The following EYS variants were observed in gnomAD, a reference collection of about 807,000 sequenced individuals.
The protein encoded by EYS is EGF-like photoreceptor maintenance factor.
In EYS, 250 loss-of-function variants were observed where a neutral mutation model predicts 282.1. The observed-to-expected ratio is 0.89, with a 90% CI of 0.80 to 0.98. The LOEUF (loss-of-function observed/expected upper bound fraction) is 0.98. Among genes scored for constraint, EYS ranks in the 50% least tolerant of loss-of-function variants. EYS has a pLI of 0.00. For missense variants in EYS, 4,016 were observed against 3,709.0 expected (o/e 1.08, Z -2.15); for synonymous variants, 1,355 against 1,282.9 (o/e 1.06, Z -1.20).
At chr6:65,531,519 C>A (rs986511589) in intron 2 of EYS, among the ~76,000 whole-genome samples, 1 of 152,092 alleles carries the variant, frequency 6.6e-6, no homozygotes, top group Middle Eastern at 3.2e-3. Context: ...AAAGCCCAAT[C>A]CCCAAAGTCA....
At chr6:64,841,320 TA>T (rs1385472187) in intron 19 of EYS, among the ~76,000 whole-genome samples, 1 of 152,270 alleles carries the variant, frequency 6.6e-6, no homozygotes, top group East Asian at 1.9e-4. Context: ...CAATAAATGT[TA>T]AGGTAAATTT....
At chr6:65,671,027 A>T (rs1370463704) in intron 1 of EYS, among the ~76,000 whole-genome samples, 1 of 152,070 alleles carries the variant, frequency 6.6e-6, no homozygotes, top group Non-Finnish European at 1.5e-5. Flanking sequence ...TCTGATTATT[A>T]TAACTTGAGA....
intron 22 of EYS, among the ~76,000 whole-genome samples, chr6:64,712,116 G>C (rs138847311): frequency 8.5e-5 from 13 of 152,240 alleles, no homozygotes; most frequent in Non-Finnish European, 1.5e-4. Flanking sequence ...GTTTCACTAG[G>C]TACCTGTCCC....
chr6:64,497,482 T>C (rs918572113), intron 26 of EYS, among the ~76,000 whole-genome samples: 4 of 152,032 alleles, frequency 2.6e-5, no homozygotes, highest in African/African-American at 4.8e-5. Context: ...CACAGTGTGA[T>C]TGCAAGAACA....
chr6:63,880,922 G>A (rs1293171859), intron 35 of EYS, among the ~76,000 whole-genome samples: 1 of 152,096 alleles, frequency 6.6e-6, no homozygotes, highest in East Asian at 1.9e-4. Flanking sequence ...TCATCAAAAG[G>A]TGTTTTGGCT....
chr6:64,268,333 A>G (rs1019549570), intron 30 of EYS, among the ~76,000 whole-genome samples: 21 of 152,306 alleles, frequency 1.4e-4, no homozygotes, highest in Admixed American at 3.3e-4. Flanking sequence ...ATATGAATAG[A>G]CAACATTAGG....
intron 26 of EYS, among the ~76,000 whole-genome samples, chr6:64,446,991 G>GT (rs1775138106): frequency 1.3e-5 from 2 of 149,774 alleles, no homozygotes; most frequent in Non-Finnish European, 3.0e-5. Flanking sequence ...GTGTGTGGGG[G>GT]GGGGGTGCTC....
At chr6:64,761,008 T>C (rs1773139795) in intron 22 of EYS, among the ~76,000 whole-genome samples, 1 of 152,180 alleles carries the variant, frequency 6.6e-6, no homozygotes, top group Admixed American at 6.5e-5. Flanking sequence ...AAAAATTGCT[T>C]TAAATGACAA....
At chr6:64,335,260 C>T (rs1401017145) in intron 29 of EYS, among the ~76,000 whole-genome samples, 8 of 147,464 alleles carry the variant, frequency 5.4e-5, no homozygotes, top group South Asian at 2.3e-4. Flanking sequence ...CCCCCCCTCC[C>T]GACTTACACT....
chr6:65,191,777 C>G (rs1765647194), intron 12 of EYS, among the ~76,000 whole-genome samples: 1 of 151,774 alleles, frequency 6.6e-6, no homozygotes, highest in Admixed American at 6.6e-5. Flanking sequence ...CTAACTTACC[C>G]TTCAATACAG....
intron 26 of EYS, among the ~76,000 whole-genome samples, chr6:64,516,702 T>A (rs970511534): frequency 1.3e-5 from 2 of 151,758 alleles, no homozygotes; most frequent in Non-Finnish European, 2.9e-5. Flanking sequence ...AATAAACATC[T>A]TCACATTTGT....
intron 22 of EYS, among the ~76,000 whole-genome samples, chr6:64,761,203 G>A (rs953403952): frequency 1.3e-5 from 2 of 152,172 alleles, no homozygotes; most frequent in African/African-American, 4.8e-5. Flanking sequence ...ATGTGGAGCA[G>A]TGAGGGATTA....
chr6:64,477,525 A>C (rs1180565102), intron 26 of EYS, among the ~76,000 whole-genome samples: 1 of 152,104 alleles, frequency 6.6e-6, no homozygotes, highest in Non-Finnish European at 1.5e-5. Flanking sequence ...AATTGGAAGT[A>C]TGCTTCCTTT....
chr6:63,924,021 T>C (rs1258048174), intron 35 of EYS, among the ~76,000 whole-genome samples: 7 of 152,168 alleles, frequency 4.6e-5, no homozygotes, highest in East Asian at 1.9e-4. Flanking sequence ...CTTTTTTTTT[T>C]CAAAAGCTTA....
chr6:64,852,026 C>T (rs1276069615), intron 19 of EYS, among the ~76,000 whole-genome samples: 1 of 151,998 alleles, frequency 6.6e-6, no homozygotes, highest in Non-Finnish European at 1.5e-5. Context: ...ATTTATATTG[C>T]TTGTGGAAAG....
chr6:65,481,780 C>T (rs1372990500), intron 5 of EYS, among the ~76,000 whole-genome samples: 1 of 151,990 alleles, frequency 6.6e-6, no homozygotes, highest in African/African-American at 2.4e-5. Flanking sequence ...CTGTGTTAGC[C>T]AGGATGGTCT....
At chr6:64,029,714 T>C (rs565657172) in intron 33 of EYS, among the ~76,000 whole-genome samples, 1 of 152,356 alleles carries the variant, frequency 6.6e-6, no homozygotes, top group African/African-American at 2.4e-5. Context: ...GGGCAGGTTA[T>C]GCCATAGTTA....
At chr6:64,451,913 A>G (rs888892965) in intron 26 of EYS, among the ~76,000 whole-genome samples, 13 of 152,280 alleles carry the variant, frequency 8.5e-5, no homozygotes, top group African/African-American at 2.6e-4. Flanking sequence ...TACTGAATGG[A>G]CAAAAACTGG....
rs115667272 is a variant in EYS, at chr6:64,444,620, C to G, written c.5645-5268G>C. Among the ~76,000 whole-genome samples the G allele has an allele frequency of 6.3e-3, 964 of 152,206 alleles. 7 individuals are homozygous for G. The highest frequency in any genetic ancestry group is 0.012 in the Non-Finnish European group (791 of 68,002). ...GGATTTATCATTCTATTCCAAGAACCTAGCATGATACATGATTCTGTCAAG... is the reference window on the plus strand; with the variant it reads ...GGATTTATCATTCTATTCCAAGAACGTAGCATGATACATGATTCTGTCAAG... On this transcript the variant is annotated intron_variant, in intron 26 of 42. Coordinates refer to ENST00000503581, the MANE Select transcript of EYS (RefSeq NM_001142800.2).
Sources: allele counts gnomAD v4.1 joint callset (sites outside exome capture counted in the v4.1 genomes callset), GRCh38; gene constraint gnomAD v4.1.1; transcripts MANE v1.5; gene names NCBI Gene and HGNC (gene_info 2026-07-23, HGNC 2026-07-21).